The following MCTP1 variants were observed in gnomAD, a reference collection of about 807,000 sequenced individuals.
MCTP1 encodes multiple C2 and transmembrane domain-containing protein 1.
MCTP1 carries 69 observed loss-of-function variants against 120.6 expected under a neutral mutation model. The ratio of observed to expected loss-of-function variants is 0.57; its 90% CI spans 0.47 to 0.70. MCTP1 has a LOEUF of 0.70. MCTP1 is among the 30% of genes least tolerant of loss of function. The pLI, the probability that MCTP1 is intolerant of heterozygous loss-of-function variation, is 0.00. For missense variants in MCTP1, 1,203 were observed against 1,248.8 expected (o/e 0.96, Z 0.55); for synonymous variants, 529 against 493.1 (o/e 1.07, Z -0.96).
chr5:94,832,348 A>G (rs1487816898), intron 17 of MCTP1, among the ~76,000 whole-genome samples: 1 of 152,184 alleles, frequency 6.6e-6, no homozygotes, highest in East Asian at 1.9e-4. Flanking sequence ...CTTCAATGTA[A>G]GAAAAGAAAG....
chr5:94,709,180 A>G, intron 21 of MCTP1: 1 of 152,160 alleles, frequency 6.6e-6, no homozygotes. Flanking sequence ...AACTGGTAAA[A>G]ACTGAGCCAT....
chr5:95,198,216 T>C (rs917729528), intron 1 of MCTP1, among the ~76,000 whole-genome samples: 2 of 152,126 alleles, frequency 1.3e-5, no homozygotes. Flanking sequence ...GAGGATAGCA[T>C]TTATGGAAAC....
chr5:94,742,893 G>A (rs1765851593), intron 19 of MCTP1, among the ~76,000 whole-genome samples: 1 of 152,026 alleles, frequency 6.6e-6, no homozygotes, highest in Non-Finnish European at 1.5e-5. Flanking sequence ...CTGCTAGGCT[G>A]GGGGAGATAA....
rs1808822274 is a variant in MCTP1 at position 94,912,258 on chromosome 5, C to T, written c.1521+548G>A. ...TGGCTAACATGGTGAAACCACGTCTCTACTAAAAATACAAAAATTAGCTGG... is the reference window on the plus strand; with the variant it reads ...TGGCTAACATGGTGAAACCACGTCTTTACTAAAAATACAAAAATTAGCTGG... On this transcript the variant is annotated intron_variant, in intron 9 of 22. Coordinates refer to ENST00000515393, the MANE Select transcript of MCTP1 (RefSeq NM_024717.7). Among the ~76,000 whole-genome samples the T allele has an allele frequency of 2.6e-5, 4 of 151,544 alleles. No individual in the cohort carries two copies. The South Asian group carries it at 8.3e-4, about 32-fold the overall frequency.
At chr5:94,785,059 C>T (rs17391552) in intron 18 of MCTP1, among the ~76,000 whole-genome samples, 9,028 of 152,040 alleles carry the variant, frequency 0.059, 372 homozygotes, top group African/African-American at 0.11. Context: ...TCTGGTTTGC[C>T]ATAAGGTGCA....
chr5:95,214,561 C>G (rs1419602070), intron 1 of MCTP1, among the ~76,000 whole-genome samples: 1 of 152,086 alleles, frequency 6.6e-6, no homozygotes, highest in African/African-American at 2.4e-5. Context: ...AAGACACATG[C>G]ACATATATGT....
At chr5:94,787,475 A>T (rs1777967385) in intron 18 of MCTP1, among the ~76,000 whole-genome samples, 2 of 152,186 alleles carry the variant, frequency 1.3e-5, no homozygotes. Context: ...ACTCACGGCC[A>T]TGAAAAACCA....
chr5:94,868,824 G>A (rs1002590670), intron 16 of MCTP1, among the ~76,000 whole-genome samples: 41 of 151,944 alleles, frequency 2.7e-4, no homozygotes, highest in African/African-American at 8.7e-4. Context: ...TTAATTTCAA[G>A]ACATTTCAAA....
chr5:94,717,519 C>G (rs1024918479), intron 19 of MCTP1, among the ~76,000 whole-genome samples: 7 of 152,038 alleles, frequency 4.6e-5, no homozygotes, highest in African/African-American at 7.2e-5. Flanking sequence ...AAGTTCTGGT[C>G]AGGGCAATCA....
chr5:94,898,352 G>A (rs952124860), intron 10 of MCTP1, among the ~76,000 whole-genome samples: 1 of 152,202 alleles, frequency 6.6e-6, no homozygotes, highest in Non-Finnish European at 1.5e-5. Context: ...CTGTAACTAA[G>A]CAAAGTTTTC....
At chr5:95,083,963 T>C (rs1432465319) in intron 1 of MCTP1, among the ~76,000 whole-genome samples, 3 of 152,168 alleles carry the variant, frequency 2.0e-5, no homozygotes, top group Non-Finnish European at 4.4e-5. Flanking sequence ...CATAGCTCCC[T>C]AAAAGATGTT....
intron 1 of MCTP1, among the ~76,000 whole-genome samples, chr5:95,035,917 T>C (rs12654849): frequency 0.99 from 151,085 of 152,224 alleles, 74,987 homozygotes; most frequent in Middle Eastern, 1. Flanking sequence ...TGGGTTAACT[T>C]GTAGGCTTTT....
intron 1 of MCTP1, among the ~76,000 whole-genome samples, chr5:95,214,661 T>C (rs199699239): frequency 6.6e-6 from 1 of 152,086 alleles, no homozygotes. Context: ...GTGGCACATA[T>C]ACACCATGGA....
chr5:95,171,911 G>A (rs773611533), intron 1 of MCTP1, among the ~76,000 whole-genome samples: 3 of 152,200 alleles, frequency 2.0e-5, no homozygotes, highest in East Asian at 1.9e-4. Flanking sequence ...CTCTCAACTC[G>A]TCAAAGTCAT....
intron 19 of MCTP1, among the ~76,000 whole-genome samples, chr5:94,745,905 C>T (rs1420745749): frequency 6.6e-6 from 1 of 152,192 alleles, no homozygotes; most frequent in Non-Finnish European, 1.5e-5. Context: ...AACTTTCTGT[C>T]TTTCCATTTC....
rs765091568 is a variant in MCTP1 at position 94,912,834 on chromosome 5, C to T, written c.1493G>A (p.Arg498Gln). 1.3e-5 allele frequency: 20 copies of T among 1,578,250 alleles called. No homozygotes were observed. The highest frequency in any genetic ancestry group is 2.4e-5 in the East Asian group (1 of 41,336). ...GCTCTTGTACTTCTGATGCCCAAGC[C>T]GGAACTTCACGTAGGGATCGCTCAA... Reference protein sequence around the residue: ...NGLSDPYVKFRLGHQKYKSKI... With the variant: ...NGLSDPYVKFQLGHQKYKSKI... Residue 498 changes from arginine (R) to glutamine (Q), a missense_variant, in exon 9 of 23, where the codon CGG becomes CAG. By Grantham distance (43) the Arg-to-Gln change is conservative. Around this residue, in one of 2 missense-constraint regions of MCTP1, gnomAD observed 740 missense variants for 871.1 expected, o/e 0.85. Coordinates refer to ENST00000515393, the MANE Select transcript of MCTP1 (RefSeq NM_024717.7).
chr5:94,773,823 A>G (rs377713186), intron 19 of MCTP1, among the ~76,000 whole-genome samples: 1 of 152,318 alleles, frequency 6.6e-6, no homozygotes, highest in East Asian at 1.9e-4. Flanking sequence ...TCCATGATTC[A>G]GTTACCTTCC....
At chr5:94,980,772 G>A (rs1829225022) in intron 2 of MCTP1, 1 of 151,596 alleles carries the variant, frequency 6.6e-6, no homozygotes, top group South Asian at 2.1e-4. Context: ...AGTTTTAAAG[G>A]GTATGCTTCC....
chr5:95,070,146 AG>A (rs1397167645), intron 1 of MCTP1, among the ~76,000 whole-genome samples: 1 of 152,176 alleles, frequency 6.6e-6, no homozygotes, highest in Non-Finnish European at 1.5e-5. Flanking sequence ...GTTGTTATCT[AG>A]GTTCTCTCCT....
Sources: allele counts gnomAD v4.1 joint callset (sites outside exome capture counted in the v4.1 genomes callset), GRCh38; gene constraint gnomAD v4.1.1; regional missense constraint gnomAD v4.1.1; transcripts MANE v1.5; gene names NCBI Gene and HGNC (gene_info 2026-07-23, HGNC 2026-07-21).